G2E3: variants seen among roughly 807,000 people sequenced by gnomAD.
G2E3 encodes the protein G2/M phase-specific E3 ubiquitin-protein ligase.
A neutral mutation model predicts 92.8 loss-of-function variants in G2E3; 35 were observed. The observed-to-expected ratio is 0.38, with a 90% confidence interval of 0.29 to 0.50. The LOEUF (loss-of-function observed/expected upper bound fraction) is 0.50. Ranked by LOEUF, G2E3 falls within the 20% of genes least tolerant of loss-of-function variation. G2E3 has a pLI of 0.94. For missense variants in G2E3, 554 were observed against 823.8 expected (o/e 0.67, Z 4.01); for synonymous variants, 242 against 272.4 (o/e 0.89, Z 1.10).
Position 30,615,554 on chromosome 14 carries a change from T to C in G2E3, c.1864+15T>C, listed in dbSNP as rs779806521. 9 of 1,472,070 alleles carry C rather than the reference T, an allele frequency of 6.1e-6. No individual in the cohort carries two copies. The Admixed American group carries it at 2.0e-4, about 33-fold the overall frequency. 91.2% of individuals were successfully genotyped at this position (1,472,070 alleles called of 1,614,324 possible). On this transcript the variant is annotated intron_variant, in intron 14 of 14. Transcript: ENST00000206595. ...GGCTGTTGAAGGTATGTGGATATTT[T>C]ATTTTACTTTTAACGATCTCAGAAT... is the stretch of plus-strand genomic sequence containing the variant.
At chr14:30,577,223 C>CAAAAA (rs59757142) in intron 1 of G2E3, among the ~76,000 whole-genome samples, 12 of 80,702 alleles carry the variant, frequency 1.5e-4, no homozygotes, top group East Asian at 3.4e-4. Flanking sequence ...GACTCTGTCT[C>CAAAAA]AAAAAAAAAA....
At chr14:30,572,876 C>A (rs944187030) in intron 1 of G2E3, among the ~76,000 whole-genome samples, 7 of 152,128 alleles carry the variant, frequency 4.6e-5, no homozygotes, top group African/African-American at 1.7e-4. Flanking sequence ...CAGGAAAAAA[C>A]ATATAGAACA....
intron 4 of G2E3, among the ~76,000 whole-genome samples, chr14:30,589,987 G>T (rs1880914473): frequency 6.6e-6 from 1 of 152,042 alleles, no homozygotes; most frequent in African/African-American, 2.4e-5. Flanking sequence ...ATTATATTCA[G>T]TACCCTTTTC....
intron 13 of G2E3, among the ~76,000 whole-genome samples, chr14:30,614,141 T>C (rs1041461737): frequency 6.6e-6 from 1 of 152,232 alleles, no homozygotes; most frequent in African/African-American, 2.4e-5. Context: ...TCATCCTTAC[T>C]ATGTCCACCA....
chr14:30,607,541 G>A (rs941445649), intron 11 of G2E3, among the ~76,000 whole-genome samples: 2 of 152,080 alleles, frequency 1.3e-5, no homozygotes, highest in African/African-American at 2.4e-5. Context: ...GGTCATAGGA[G>A]TTTTTCAGCT....
chr14:30,589,616 T>C, intron 4 of G2E3, 132 bp downstream of exon 4: 1 of 575,738 alleles, frequency 1.7e-6, no homozygotes, highest in Middle Eastern at 3.3e-4. Flanking sequence ...GTCATTTAAA[T>C]ATGGTAAGTT....
chr14:30,563,019 G>A (rs956148941), intron 1 of G2E3, among the ~76,000 whole-genome samples: 2 of 152,068 alleles, frequency 1.3e-5, no homozygotes, highest in African/African-American at 4.8e-5. Flanking sequence ...TCCGTGTCTT[G>A]GTGATAGTGG....
At chr14:30,560,841 A>T (rs1420306390) in intron 1 of G2E3, 3 of 700,168 alleles carry the variant, frequency 4.3e-6, no homozygotes, top group Non-Finnish European at 7.8e-6. Flanking sequence ...TTTAACTGAA[A>T]GGTTAGAAAA....
chr14:30,578,513 A>G lies in G2E3; in HGVS notation c.-4-2563A>G, dbSNP rs116429677. ...AGAGGGACCACAGGGCTTCTTACCA[A>G]ATGGAGTTACAGTAGATTTTATACA... On this transcript the variant is annotated intron_variant, in intron 1 of 14. Transcript: ENST00000206595. 3.6e-3 allele frequency among the ~76,000 whole-genome samples: 551 copies of G among 152,284 alleles called. 7 individuals are homozygous for G. The highest frequency in any genetic ancestry group is 0.013 in the African/African-American group (520 of 41,558).
chr14:30,578,594 T>C (rs182559099), intron 1 of G2E3, among the ~76,000 whole-genome samples: 175 of 152,328 alleles, frequency 1.1e-3, no homozygotes, highest in Admixed American at 2.0e-3. Context: ...CATTTTGTGG[T>C]GTCTAGGTTG....
At chr14:30,575,967 C>T (rs2138801128) in intron 1 of G2E3, among the ~76,000 whole-genome samples, 1 of 152,300 alleles carries the variant, frequency 6.6e-6, no homozygotes, top group South Asian at 2.1e-4. Flanking sequence ...AGATTCACTG[C>T]TATTCCTGTC....
chr14:30,599,700 A>G (rs1193818247), intron 8 of G2E3, among the ~76,000 whole-genome samples: 1 of 152,230 alleles, frequency 6.6e-6, no homozygotes, highest in African/African-American at 2.4e-5. Flanking sequence ...TTTGTTGTTA[A>G]TAATTTTTAT....
chr14:30,573,126 C>T (rs1879865228), intron 1 of G2E3, among the ~76,000 whole-genome samples: 1 of 151,798 alleles, frequency 6.6e-6, no homozygotes, highest in Non-Finnish European at 1.5e-5. Flanking sequence ...TAACACTGTG[C>T]CTGGCTTTTA....
intron 3 of G2E3, 42 bp from the exon 4 acceptor site, chr14:30,589,341 A>G: frequency 9.2e-7 from 1 of 1,087,914 alleles, no homozygotes; most frequent in South Asian, 1.3e-5. Flanking sequence ...ATGCCCAACT[A>G]GTTTCTTAGA....
At chr14:30,586,395 A>G (rs1255984809) in intron 2 of G2E3, among the ~76,000 whole-genome samples, 2 of 152,192 alleles carry the variant, frequency 1.3e-5, no homozygotes, top group East Asian at 3.8e-4. Context: ...TAGATTGTAC[A>G]GCTTCTAAAA....
chr14:30,603,154 C>A (rs986168751), intron 10 of G2E3, among the ~76,000 whole-genome samples: 4 of 151,976 alleles, frequency 2.6e-5, no homozygotes, highest in African/African-American at 7.2e-5. Context: ...GGTGAAACCC[C>A]GTCTCTATTA....
Position 30,619,356 on chromosome 14 carries a change from G to T in G2E3, c.*2822G>T, listed in dbSNP as rs1314774054. ...AAGTCAAGGGGAGTATATTAGGTAAGTTTTTTCAGTGACTGTGCCTTTAGC... is the reference window on the plus strand; with the variant it reads ...AAGTCAAGGGGAGTATATTAGGTAATTTTTTTCAGTGACTGTGCCTTTAGC... On this transcript the variant is annotated 3_prime_UTR_variant, in exon 15 of 15. Coordinates refer to ENST00000206595, the MANE Select transcript of G2E3 (RefSeq NM_017769.5). 3 of 152,080 alleles carry T rather than the reference G, an allele frequency of 2.0e-5. No homozygotes were observed. Among genetic ancestry groups the T allele is most frequent in the African/African-American group, 7.2e-5 (3 of 41,458 alleles). 9.4% of individuals were successfully genotyped at this position (152,080 alleles called of 1,614,324 possible).
At chr14:30,587,790 CAG>C (rs1229316619) in intron 3 of G2E3, among the ~76,000 whole-genome samples, 2 of 151,972 alleles carry the variant, frequency 1.3e-5, no homozygotes, top group South Asian at 2.1e-4. Context: ...ATGAGAGAGA[CAG>C]AGAGAGAGAA....
At chr14:30,563,414 C>CA (rs1555336323) in intron 1 of G2E3, among the ~76,000 whole-genome samples, 19 of 152,076 alleles carry the variant, frequency 1.2e-4, no homozygotes, top group Admixed American at 1.2e-3. Flanking sequence ...ACTTCCCCAA[C>CA]AAAACTGGTA....
Sources: gnomAD v4.1 joint callset for allele counts (sites outside exome capture counted in the v4.1 genomes callset) on GRCh38, gnomAD v4.1.1 for gene constraint, MANE v1.5 for transcripts, NCBI Gene and HGNC (gene_info 2026-07-23, HGNC 2026-07-21) for gene names.